CNTN5: variants seen among roughly 807,000 people sequenced by gnomAD.
CNTN5 encodes the protein contactin-5.
Under a neutral mutation model 129.1 loss-of-function variants are expected in CNTN5, and 77 were observed. That is an observed-to-expected ratio of 0.60 (90% CI 0.50 to 0.72). The LOEUF is 0.72. Ranked by LOEUF, CNTN5 falls within the 30% of genes least tolerant of loss-of-function variation. CNTN5 has a pLI of 0.00. For synonymous variants in CNTN5, 509 were observed against 465.6 expected, an observed-to-expected ratio of 1.09 and a Z score of -1.20; for missense variants, 1,478 against 1,328.8, an observed-to-expected ratio of 1.11 and a Z score of -1.75.
intron 2 of CNTN5, among the ~76,000 whole-genome samples, chr11:99,358,045 T>G (rs1468443039): frequency 3.4e-5 from 5 of 145,564 alleles, no homozygotes; most frequent in African/African-American, 1.3e-4. Context: ...AAAATAAAAT[T>G]CATCATAAGA....
intron 3 of CNTN5, among the ~76,000 whole-genome samples, chr11:99,648,931 G>A (rs908904720): frequency 7.2e-5 from 11 of 151,782 alleles, no homozygotes; most frequent in African/African-American, 2.7e-4. Flanking sequence ...GGGATAGGGA[G>A]AAATTTGTTA....
chr11:99,368,051 A>G (rs1235928785), intron 2 of CNTN5, among the ~76,000 whole-genome samples: 1 of 152,134 alleles, frequency 6.6e-6, no homozygotes, highest in Non-Finnish European at 1.5e-5. Context: ...CTTATCTTTC[A>G]TCTTTCAAGA....
At chr11:99,376,240 A>G (rs140402891) in intron 2 of CNTN5, among the ~76,000 whole-genome samples, 1 of 152,290 alleles carries the variant, frequency 6.6e-6, no homozygotes, top group East Asian at 1.9e-4. Flanking sequence ...CCTTCTGCTG[A>G]CAGAATCAAC....
intron 3 of CNTN5, among the ~76,000 whole-genome samples, chr11:99,715,627 CAAAA>C (rs749985487): frequency 3.1e-4 from 47 of 151,778 alleles, no homozygotes; most frequent in Non-Finnish European, 5.3e-4. Context: ...GAGTAATAAA[CAAAA>C]AGAAAGATCA....
chr11:99,361,098 A>G (rs1246918526), intron 2 of CNTN5, among the ~76,000 whole-genome samples: 1 of 152,056 alleles, frequency 6.6e-6, no homozygotes, highest in Non-Finnish European at 1.5e-5. Flanking sequence ...TTCCAATAAT[A>G]TGTTCCTTAT....
chr11:100,001,321 G>T (rs147891379), intron 8 of CNTN5, among the ~76,000 whole-genome samples: 1 of 152,082 alleles, frequency 6.6e-6, no homozygotes, highest in Non-Finnish European at 1.5e-5. Context: ...TTACTATCAC[G>T]AGAACAGCAT....
At chr11:99,528,002 C>A (rs902213786) in intron 2 of CNTN5, among the ~76,000 whole-genome samples, 2 of 151,992 alleles carry the variant, frequency 1.3e-5, no homozygotes, top group Admixed American at 1.3e-4. Flanking sequence ...AATAACTGGG[C>A]CAGGAAATCT....
At chr11:100,047,625 A>T (rs1942750630) in intron 9 of CNTN5, among the ~76,000 whole-genome samples, 2 of 152,312 alleles carry the variant, frequency 1.3e-5, no homozygotes, top group South Asian at 4.1e-4. Context: ...AGCTCTTAAT[A>T]TGTTTAGTCA....
chr11:99,851,778 A>T (rs1591310485), intron 6 of CNTN5, among the ~76,000 whole-genome samples: 1 of 152,310 alleles, frequency 6.6e-6, no homozygotes, highest in East Asian at 1.9e-4. Context: ...TCTTTGAGAG[A>T]TTATATGACT....
intron 3 of CNTN5, among the ~76,000 whole-genome samples, chr11:99,618,314 T>C (rs1950823174): frequency 6.6e-6 from 1 of 152,174 alleles, no homozygotes; most frequent in Non-Finnish European, 1.5e-5. Context: ...TCTTATAAAC[T>C]AACCGAAGGC....
chr11:100,322,385 G>T (rs1311107911), intron 21 of CNTN5, among the ~76,000 whole-genome samples: 3 of 152,072 alleles, frequency 2.0e-5, no homozygotes, highest in African/African-American at 7.2e-5. Context: ...ACTACGCCCG[G>T]CTAATTTTTT....
intron 2 of CNTN5, among the ~76,000 whole-genome samples, chr11:99,498,634 T>C (rs1946317191): frequency 1.3e-5 from 2 of 152,260 alleles, no homozygotes; most frequent in South Asian, 2.1e-4. Flanking sequence ...GCCAATGATA[T>C]ACAAATAGGC....
chr11:99,298,789 A>G (rs569327510), intron 1 of CNTN5, among the ~76,000 whole-genome samples: 2 of 151,926 alleles, frequency 1.3e-5, no homozygotes, highest in South Asian at 4.2e-4. Context: ...CTCAAAAGAC[A>G]CCTCTGACCA....
chr11:99,940,179 A>G (rs914757339), intron 7 of CNTN5, among the ~76,000 whole-genome samples: 1 of 152,148 alleles, frequency 6.6e-6, no homozygotes, highest in Admixed American at 6.6e-5. Context: ...CATGACAAAG[A>G]ATTATCAGCC....
intron 3 of CNTN5, among the ~76,000 whole-genome samples, chr11:99,586,400 A>G (rs564919883): frequency 2.3e-3 from 349 of 152,288 alleles, no homozygotes; most frequent in African/African-American, 8.2e-3. Context: ...CCCTTTCTCT[A>G]AATAAAAAAT....
At chr11:99,561,711 A>G (rs1252950486) in intron 3 of CNTN5, among the ~76,000 whole-genome samples, 1 of 502 alleles carries the variant, frequency 2.0e-3, no homozygotes, top group African/African-American at 2.2e-3. Flanking sequence ...TTCCTCCCCA[A>G]AACCTATAAC....
At chr11:99,100,461 C>T (rs1051523946) in intron 1 of CNTN5, among the ~76,000 whole-genome samples, 1 of 151,908 alleles carries the variant, frequency 6.6e-6, no homozygotes, top group Non-Finnish European at 1.5e-5. Flanking sequence ...TGTTTTTTGG[C>T]TTTCATTTGT....
intron 13 of CNTN5, among the ~76,000 whole-genome samples, chr11:100,150,861 G>T (rs1168997323): frequency 6.6e-6 from 1 of 152,084 alleles, no homozygotes; most frequent in Non-Finnish European, 1.5e-5. Context: ...GATGGTATTT[G>T]GAAGCAGGGT....
At chr11:99,814,584 A>G (rs1376784455) in intron 3 of CNTN5, among the ~76,000 whole-genome samples, 1 of 152,086 alleles carries the variant, frequency 6.6e-6, no homozygotes, top group Non-Finnish European at 1.5e-5. Flanking sequence ...TGGGAAAAAA[A>G]CAGTCCAGGG....
Sources: gnomAD v4.1 joint callset for allele counts (sites outside exome capture counted in the v4.1 genomes callset) on GRCh38, gnomAD v4.1.1 for gene constraint, MANE v1.5 for transcripts, NCBI Gene and HGNC (gene_info 2026-07-23, HGNC 2026-07-21) for gene names.